The following FRMPD3 variants were observed in gnomAD, a reference collection of about 807,000 sequenced individuals.
The protein encoded by FRMPD3 is FERM and PDZ domain containing 3, also known as FERM and PDZ domain-containing protein 3.
In FRMPD3, 42 loss-of-function variants were observed where a neutral mutation model predicts 97.9. The observed-to-expected ratio is 0.43, with a 90% CI of 0.34 to 0.55. The LOEUF is 0.55. FRMPD3 is among the 20% of genes least tolerant of loss of function. The probability of loss-of-function intolerance (pLI) is 0.03; values close to 1 mark genes in which losing one functional copy is unlikely to be tolerated. For synonymous variants in FRMPD3, 577 were observed against 581.1 expected, an observed-to-expected ratio of 0.99 and a Z score of 0.10; for missense variants, 1,303 against 1,457.7, an observed-to-expected ratio of 0.89 and a Z score of 1.73.
chrX:107,582,178 C>T (rs1923423681), intron 13 of FRMPD3, among the ~76,000 whole-genome samples: 1 of 110,565 alleles, frequency 9.0e-6, no homozygotes, highest in African/African-American at 3.3e-5. Flanking sequence ...ACACTTGTTA[C>T]TGTCCATCTT....
rs769595412 is a variant in FRMPD3, at chrX:107,531,008, C to T, written c.251+497C>T. Among the ~76,000 whole-genome samples, 349 of 110,636 alleles carry T rather than the reference C, an allele frequency of 3.2e-3. 1 individual carries two copies. Among genetic ancestry groups the T allele is most frequent in the Non-Finnish European group, 5.1e-3 (272 of 52,881 alleles). The stretch of plus-strand genomic sequence containing the variant: ...GTGTTTGTGTCCCCTAAATGCCCTC[C>T]GCAGATGGGAGCAGATGACAAAAGG... On this transcript the variant is annotated intron_variant, in intron 3 of 14. Transcript: ENST00000683843.
intron 1 of FRMPD3, among the ~76,000 whole-genome samples, chrX:107,500,740 G>A (rs935363145): frequency 9.6e-6 from 1 of 104,296 alleles, no homozygotes; most frequent in Non-Finnish European, 1.9e-5. Flanking sequence ...TCTGGGAGGC[G>A]AAGGTTGCAG....
chrX:107,507,118 C>G (rs923026063), intron 1 of FRMPD3, among the ~76,000 whole-genome samples: 3 of 110,166 alleles, frequency 2.7e-5, no homozygotes, highest in Non-Finnish European at 5.7e-5. Flanking sequence ...TTACCGGCCC[C>G]TCAAAGTGAC....
At chrX:107,456,330 C>A (rs1471959903) in intron 1 of FRMPD3, among the ~76,000 whole-genome samples, 1 of 111,207 alleles carries the variant, frequency 9.0e-6, no homozygotes, top group Non-Finnish European at 1.9e-5. Context: ...CCACTGTGCC[C>A]AGCCTGTCTT....
At chrX:107,482,358 G>C (rs189184294) in intron 1 of FRMPD3, among the ~76,000 whole-genome samples, 1 of 111,948 alleles carries the variant, frequency 8.9e-6, no homozygotes, top group African/African-American at 3.2e-5. Flanking sequence ...CTAGTAGGTA[G>C]CTGCTGGCTG....
rs368612181 is a variant in FRMPD3, at chrX:107,601,359, C to A, written c.3320C>A (p.Ala1107Glu). ...QGTISSQGEK[A>E]QLESTPKRSK... is the part of the protein sequence containing the mutation. Reference sequence around the variant, plus strand: ...ACCATCTCCAGCCAAGGGGAGAAGGCGCAGCTGGAGAGCACACCCAAAAGA... The same window carrying A: ...ACCATCTCCAGCCAAGGGGAGAAGGAGCAGCTGGAGAGCACACCCAAAAGA... The change falls in exon 15 of 15, where the codon GCG becomes GAG. Residue 1107 changes from alanine (A) to glutamate (E), a missense_variant. Ala to Glu is a moderately radical substitution (Grantham distance 107). This residue lies in a region of FRMPD3 where 764 missense variants were observed against 820.2 expected (regional missense o/e 0.93). Coordinates refer to ENST00000683843, the MANE Select transcript of FRMPD3 (RefSeq NM_001388459.1). 1 of 1,207,123 alleles carries A rather than the reference C, an allele frequency of 8.3e-7. No homozygotes were observed. The highest frequency in any genetic ancestry group is 1.1e-6 in the Non-Finnish European group (1 of 893,411).
intron 3 of FRMPD3, 51 bp from the exon 4 acceptor site, chrX:107,533,454 G>T: frequency 9.5e-7 from 1 of 1,053,847 alleles, no homozygotes; most frequent in Non-Finnish European, 1.3e-6. Flanking sequence ...TGTACTAGAT[G>T]AATACCTAGT....
chrX:107,481,615 A>G (rs1180767113), intron 1 of FRMPD3, among the ~76,000 whole-genome samples: 5 of 112,138 alleles, frequency 4.5e-5, no homozygotes, highest in Non-Finnish European at 9.4e-5. Flanking sequence ...AGGGAGAGCT[A>G]GCGCTTGGGC....
intron 1 of FRMPD3, among the ~76,000 whole-genome samples, chrX:107,525,319 C>T (rs986634175): frequency 9.0e-6 from 1 of 111,671 alleles, no homozygotes; most frequent in East Asian, 2.8e-4. Flanking sequence ...TCCATTCCTC[C>T]TTTTACCTTC....
intron 13 of FRMPD3, among the ~76,000 whole-genome samples, chrX:107,583,193 G>A (rs1461047043): frequency 9.1e-6 from 1 of 109,329 alleles, no homozygotes; most frequent in Non-Finnish European, 1.9e-5. Context: ...ATGTGCCATG[G>A]TGGTTTGCTG....
intron 1 of FRMPD3, among the ~76,000 whole-genome samples, chrX:107,516,474 G>T (rs1437079154): frequency 4.5e-5 from 5 of 111,464 alleles, no homozygotes; most frequent in African/African-American, 1.6e-4. Flanking sequence ...ATGGTTGAAA[G>T]AGTTTACAGT....
intron 1 of FRMPD3, among the ~76,000 whole-genome samples, chrX:107,480,937 AAAGAAAG>A (rs1921350674): frequency 2.7e-5 from 3 of 110,106 alleles, no homozygotes; most frequent in Non-Finnish European, 5.7e-5. Flanking sequence ...AGAAAGAAAG[AAAGAAAG>A]AAAGAAAGAA....
At chrX:107,511,519 A>G (rs1224172376) in intron 1 of FRMPD3, among the ~76,000 whole-genome samples, 1 of 112,968 alleles carries the variant, frequency 8.9e-6, no homozygotes, top group Non-Finnish European at 1.9e-5. Context: ...GGGGCATGGA[A>G]GGCTGGTGGC....
chrX:107,545,977 G>A, intron 5 of FRMPD3, 136 bp downstream of exon 5: 1 of 474,973 alleles, frequency 2.1e-6, no homozygotes, highest in Non-Finnish European at 3.7e-6. Context: ...GCTGGAGGGG[G>A]AAAAGTAGTG....
intron 13 of FRMPD3, among the ~76,000 whole-genome samples, chrX:107,588,890 C>T (rs1217117500): frequency 1.8e-5 from 2 of 111,479 alleles, no homozygotes; most frequent in Non-Finnish European, 3.8e-5. Context: ...CTTGTGTATG[C>T]TTCATGAAGT....
rs776039636 is a variant in FRMPD3, at chrX:107,601,946, C to T, written c.3907C>T (p.Arg1303Cys). 4.3e-6 allele frequency: 5 copies of T among 1,174,370 alleles called. No homozygotes were observed. The highest frequency in any genetic ancestry group is 3.9e-5 in the South Asian group (2 of 50,713). ...GCAGAGGCGCAGCTGTGACTGCAAG[C>T]GCATCTGCCGGGGGGGCCGGCCACA... Reference protein sequence around the residue: ...REQRRSCDCKRICRGGRPQAT... With the variant: ...REQRRSCDCKCICRGGRPQAT... The change falls in exon 15 of 15, where the codon CGC (arginine) becomes TGC (cysteine). Residue 1303 changes from arginine to cysteine, a missense_variant. By Grantham distance (180) the Arg-to-Cys change is radical (BLOSUM62 -3). This residue lies in a region of FRMPD3 where 764 missense variants were observed against 820.2 expected (regional missense o/e 0.93). Coordinates refer to ENST00000683843, the MANE Select transcript of FRMPD3 (RefSeq NM_001388459.1).
At chrX:107,508,327 C>T (rs1317690946) in intron 1 of FRMPD3, among the ~76,000 whole-genome samples, 1 of 112,233 alleles carries the variant, frequency 8.9e-6, no homozygotes, top group East Asian at 2.8e-4. Context: ...ATTATTTCTC[C>T]TGTAGAGAAA....
In FRMPD3 at chrX:107,560,810, A is replaced by T; in HGVS notation, c.983A>T (p.Gln328Leu). ...AAGAACCTCCGGAAATCTCTCTCTC[A>T]GCAACTGAAGGCTCACCAAACACAT... ...KEKNLRKSLS[Q>L]QLKAHQTHPS... The change falls in exon 10 of 15, where the codon CAG becomes CTG. Residue 328 changes from glutamine to leucine, a missense_variant. Physicochemically the swap from Gln to Leu is moderately radical, Grantham distance 113. Transcript: ENST00000683843. 8.4e-7 allele frequency: 1 copy of T among 1,194,126 alleles called. No individual in the cohort carries two copies. Among genetic ancestry groups the T allele is most frequent in the South Asian group, 1.8e-5 (1 of 54,138 alleles).
At chrX:107,582,881 G>T (rs757813094) in intron 13 of FRMPD3, among the ~76,000 whole-genome samples, 109 of 111,711 alleles carry the variant, frequency 9.8e-4, no homozygotes, top group African/African-American at 3.3e-3. Context: ...TCTTGAATTA[G>T]CTGTTAATTT....
Sources: gnomAD v4.1 joint callset for allele counts (sites outside exome capture counted in the v4.1 genomes callset) on GRCh38, gnomAD v4.1.1 for gene constraint, gnomAD v4.1.1 regional missense constraint, MANE v1.5 for transcripts, NCBI Gene and HGNC (gene_info 2026-07-23, HGNC 2026-07-21) for gene names.